Variants in PTPRD observed in about 807,000 individuals in gnomAD.
PTPRD encodes protein tyrosine phosphatase receptor type D, also known as receptor-type tyrosine-protein phosphatase delta.
In PTPRD, 34 loss-of-function variants were observed where a neutral mutation model predicts 214.5. The ratio of observed to expected loss-of-function variants is 0.16; its 90% CI spans 0.12 to 0.21. PTPRD has a LOEUF of 0.21. Among genes scored for constraint, PTPRD ranks in the 10% least tolerant of loss-of-function variants. PTPRD has a pLI of 1.00. For missense variants in PTPRD, 2,545 were observed against 2,398.7 expected, an observed-to-expected ratio of 1.06 and a Z score of -1.27; for synonymous variants, 1,128 against 845.7, an observed-to-expected ratio of 1.33 and a Z score of -5.79.
chr9:10,494,555 T>C (rs1011271258), intron 2 of PTPRD, among the ~76,000 whole-genome samples: 1 of 151,280 alleles, frequency 6.6e-6, no homozygotes, highest in Admixed American at 6.6e-5. Context: ...ATTCCAGCAT[T>C]ATAATTTTTT....
chr9:9,638,694 G>C lies in PTPRD; in HGVS notation c.-286-63913C>G, dbSNP rs1225997659. On this transcript the variant is annotated intron_variant, in intron 7 of 45. Transcript: ENST00000381196. ...TTCTATATATTTAGGTATTTGTTAA[G>C]GCAACAGGCCACTTCTCTGGTATCA... 4.6e-5 allele frequency among the ~76,000 whole-genome samples: 7 copies of C among 152,238 alleles called. No homozygotes were observed. The South Asian group carries it at 1.5e-3, about 32-fold the overall frequency.
chr9:8,514,714 A>C (rs1311665800), intron 21 of PTPRD, among the ~76,000 whole-genome samples: 2 of 152,222 alleles, frequency 1.3e-5, no homozygotes. Context: ...ATAAAAACAC[A>C]AAAACTATCA....
intron 3 of PTPRD, among the ~76,000 whole-genome samples, chr9:10,231,063 C>T (rs1398924174): frequency 6.6e-6 from 1 of 151,906 alleles, no homozygotes; most frequent in South Asian, 2.1e-4. Context: ...AAGGAAGACA[C>T]AGAAGCTTGC....
At chr9:9,730,031 C>A (rs7026321) in intron 7 of PTPRD, among the ~76,000 whole-genome samples, 2,856 of 152,108 alleles carry the variant, frequency 0.019, 99 homozygotes, top group African/African-American at 0.064. Context: ...ACCTTGAAAA[C>A]AGTAACATCA....
chr9:9,754,275 A>G (rs1015482570), intron 6 of PTPRD, among the ~76,000 whole-genome samples: 3 of 152,064 alleles, frequency 2.0e-5, no homozygotes, highest in African/African-American at 7.2e-5. Flanking sequence ...AGAGGGTACA[A>G]ATTCTTACAC....
intron 11 of PTPRD, among the ~76,000 whole-genome samples, chr9:8,961,174 G>C (rs548465220): frequency 6.6e-6 from 1 of 152,180 alleles, no homozygotes; most frequent in East Asian, 1.9e-4. Context: ...CTTCAGAGAG[G>C]AGCTACATTG....
chr9:9,747,535 T>G, intron 6 of PTPRD, among the ~76,000 whole-genome samples: 1 of 74,906 alleles, frequency 1.3e-5, no homozygotes, highest in East Asian at 3.1e-4. Flanking sequence ...ACTGAATCTT[T>G]TTTGTTTTTT....
chr9:10,044,188 G>C (rs1162580122), intron 3 of PTPRD, among the ~76,000 whole-genome samples: 2 of 150,780 alleles, frequency 1.3e-5, no homozygotes, highest in Middle Eastern at 3.4e-3. Flanking sequence ...CCCTATAATT[G>C]TGTTTCTGAG....
At chr9:9,074,127 A>T (rs891813691) in intron 10 of PTPRD, among the ~76,000 whole-genome samples, 1 of 152,168 alleles carries the variant, frequency 6.6e-6, no homozygotes, top group Admixed American at 6.6e-5. Flanking sequence ...TAAAGCTGAG[A>T]GAAGTTTAAA....
At chr9:9,475,928 A>T (rs2094999777) in intron 8 of PTPRD, among the ~76,000 whole-genome samples, 1 of 152,208 alleles carries the variant, frequency 6.6e-6, no homozygotes, top group Non-Finnish European at 1.5e-5. Context: ...GTAGTTTCAC[A>T]CATTGTAGGG....
chr9:9,201,155 T>A (rs2099941617), intron 9 of PTPRD, among the ~76,000 whole-genome samples: 1 of 152,126 alleles, frequency 6.6e-6, no homozygotes, highest in East Asian at 1.9e-4. Flanking sequence ...TCTTTTTTTG[T>A]AAGCAACATA....
chr9:8,684,907 A>C (rs192274695), intron 12 of PTPRD, among the ~76,000 whole-genome samples: 48 of 152,254 alleles, frequency 3.2e-4, no homozygotes, highest in Middle Eastern at 3.4e-3. Flanking sequence ...CAATATTCAC[A>C]AACTTCACAA....
intron 35 of PTPRD, among the ~76,000 whole-genome samples, chr9:8,409,195 T>A (rs2093314955): frequency 6.6e-6 from 1 of 152,164 alleles, no homozygotes; most frequent in Non-Finnish European, 1.5e-5. Context: ...ACAAAGACCC[T>A]AGAAGTAGTT....
intron 3 of PTPRD, among the ~76,000 whole-genome samples, chr9:10,091,301 G>A (rs184784217): frequency 5.3e-5 from 8 of 151,310 alleles, no homozygotes; most frequent in African/African-American, 1.7e-4. Flanking sequence ...ATAGTAAAAG[G>A]AGAATTATTT....
chr9:8,336,797 G>A (rs1006133258), intron 43 of PTPRD, among the ~76,000 whole-genome samples: 10 of 152,132 alleles, frequency 6.6e-5, no homozygotes, highest in Non-Finnish European at 4.4e-5. Context: ...CAAAGGATAT[G>A]AACAGACACT....
intron 2 of PTPRD, among the ~76,000 whole-genome samples, chr9:10,370,258 G>C (rs1462353549): frequency 2.0e-5 from 3 of 152,068 alleles, no homozygotes; most frequent in Non-Finnish European, 4.4e-5. Flanking sequence ...AAAATGTAGT[G>C]AATGTAATCA....
intron 9 of PTPRD, among the ~76,000 whole-genome samples, chr9:9,367,044 T>G (rs1030326493): frequency 6.8e-6 from 1 of 147,218 alleles, no homozygotes; most frequent in Non-Finnish European, 1.5e-5. Context: ...TGATAAATTT[T>G]AAGAAAAGTT....
At chr9:9,902,813 T>A (rs949809328) in intron 5 of PTPRD, among the ~76,000 whole-genome samples, 1 of 152,156 alleles carries the variant, frequency 6.6e-6, no homozygotes, top group African/African-American at 2.4e-5. Flanking sequence ...CACAAACTTT[T>A]TCCAAGCACA....
intron 9 of PTPRD, among the ~76,000 whole-genome samples, chr9:9,224,045 G>T (rs774451847): frequency 2.0e-5 from 3 of 151,946 alleles, no homozygotes. Context: ...GATCATGTTG[G>T]TTTTGTACAA....
Sources: gnomAD v4.1 joint callset for allele counts (sites outside exome capture counted in the v4.1 genomes callset) on GRCh38, gnomAD v4.1.1 for gene constraint, MANE v1.5 for transcripts, NCBI Gene and HGNC (gene_info 2026-07-23, HGNC 2026-07-21) for gene names.